Variants in ABHD12 observed in about 807,000 individuals in gnomAD.
The protein encoded by ABHD12 is abhydrolase domain containing 12, lysophospholipase.
In ABHD12, 43 loss-of-function variants were observed where a neutral mutation model predicts 58.3. The observed-to-expected ratio is 0.74, with a 90% CI of 0.58 to 0.95. The LOEUF (loss-of-function observed/expected upper bound fraction) is 0.95. ABHD12 is among the 40% of genes least tolerant of loss of function. ABHD12 has a pLI of 0.00. For missense variants in ABHD12, 539 were observed against 537.2 expected, an observed-to-expected ratio of 1.00 and a Z score of -0.03; for synonymous variants, 219 against 211.2, an observed-to-expected ratio of 1.04 and a Z score of -0.32.
At chr20:25,369,208 T>C (rs2089866352) in intron 1 of ABHD12, among the ~76,000 whole-genome samples, 1 of 152,200 alleles carries the variant, frequency 6.6e-6, no homozygotes, top group Admixed American at 6.5e-5. Flanking sequence ...GGATTAGTAA[T>C]GTTGGGCATC....
intron 1 of ABHD12, among the ~76,000 whole-genome samples, chr20:25,358,502 G>C (rs919601976): frequency 2.6e-4 from 39 of 152,186 alleles, no homozygotes; most frequent in African/African-American, 9.4e-4. Flanking sequence ...ATTACTGCCT[G>C]TTTCCTCACT....
chr20:25,361,541 G>A (rs957495037), intron 1 of ABHD12, among the ~76,000 whole-genome samples: 1 of 152,154 alleles, frequency 6.6e-6, no homozygotes, highest in African/African-American at 2.4e-5. Context: ...TCTTAGATGT[G>A]TATTTTGTTG....
intron 1 of ABHD12, among the ~76,000 whole-genome samples, chr20:25,347,932 C>A: frequency 6.6e-6 from 1 of 150,544 alleles, no homozygotes; most frequent in Non-Finnish European, 1.5e-5. Flanking sequence ...GGAAAAAAGC[C>A]TGGGCGCAGG....
At chr20:25,303,907 T>C (rs2088687109) in intron 10 of ABHD12, among the ~76,000 whole-genome samples, 1 of 152,252 alleles carries the variant, frequency 6.6e-6, no homozygotes, top group African/African-American at 2.4e-5. Context: ...ATATATATTT[T>C]TAAGCGGAAT....
chr20:25,352,311 C>T (rs369248783), intron 1 of ABHD12, among the ~76,000 whole-genome samples: 8 of 151,386 alleles, frequency 5.3e-5, no homozygotes, highest in African/African-American at 7.3e-5. Flanking sequence ...ATTTTTGAGA[C>T]GGAGTCTCGC....
At chr20:25,316,876 G>A (rs2088971878) in intron 5 of ABHD12, among the ~76,000 whole-genome samples, 172 bp downstream of exon 5, 2 of 152,226 alleles carry the variant, frequency 1.3e-5, no homozygotes, top group South Asian at 2.1e-4. Flanking sequence ...GCAGTGCGCT[G>A]TGACTGTACC....
At chr20:25,316,493 T>C (rs748844386) in intron 5 of ABHD12, among the ~76,000 whole-genome samples, 1 of 151,850 alleles carries the variant, frequency 6.6e-6, no homozygotes. Context: ...TAACGTAACA[T>C]TGAAAAACAA....
At chr20:25,387,958 T>C (rs2090115540) in intron 1 of ABHD12, among the ~76,000 whole-genome samples, 2 of 150,546 alleles carry the variant, frequency 1.3e-5, no homozygotes, top group African/African-American at 4.9e-5. Context: ...GGAGAATTGC[T>C]TGAACCTGGG....
At chr20:25,315,862 T>TCCCCGCC (rs1568722353) in intron 5 of ABHD12, among the ~76,000 whole-genome samples, 4 of 150,882 alleles carry the variant, frequency 2.7e-5, no homozygotes, top group Non-Finnish European at 5.9e-5. Context: ...TCTGTCTGTG[T>TCCCCGCC]TCCCTTCTGC....
At chr20:25,336,347 T>C (rs1237217112) in intron 2 of ABHD12, among the ~76,000 whole-genome samples, 3 of 152,126 alleles carry the variant, frequency 2.0e-5, no homozygotes, top group Non-Finnish European at 4.4e-5. Context: ...AGAATAATCA[T>C]GATGTTTTGC....
chr20:25,306,708 G>C, intron 10 of ABHD12, 125 bp downstream of exon 10: 1 of 707,214 alleles, frequency 1.4e-6, no homozygotes. Context: ...AGACCTGTTT[G>C]CTAGAGAATG....
At chr20:25,363,093 T>C (rs2089774540) in intron 1 of ABHD12, among the ~76,000 whole-genome samples, 1 of 152,152 alleles carries the variant, frequency 6.6e-6, no homozygotes, top group South Asian at 2.1e-4. Flanking sequence ...GTCTAGAACA[T>C]TCAGAGTATT....
At chr20:25,383,657 A>G (rs1262126749) in intron 1 of ABHD12, among the ~76,000 whole-genome samples, 2 of 152,150 alleles carry the variant, frequency 1.3e-5, no homozygotes, top group Admixed American at 1.3e-4. Context: ...CGTCTCTACT[A>G]AAAATATAAA....
intron 1 of ABHD12, among the ~76,000 whole-genome samples, chr20:25,367,732 A>G (rs945576573): frequency 6.6e-6 from 1 of 152,200 alleles, no homozygotes; most frequent in Non-Finnish European, 1.5e-5. Context: ...TTCATGTTGT[A>G]GCATATTTCA....
exon 13 of ABHD12, chr20:25,295,022 T>G (rs747280196): frequency 5.6e-6 from 9 of 1,614,224 alleles, no homozygotes; most frequent in Non-Finnish European, 7.6e-6. Context: ...ACCTGGGCCC[T>G]GCTGAGGTCT....
At chr20:25,296,593 A>G (rs1257851618), downstream of ABHD12, 7 of 1,530,876 alleles carry the variant, frequency 4.6e-6, no homozygotes, top group Middle Eastern at 2.1e-4. Context: ...TTTTTCCCCA[A>G]ACACTTTGCC....
intron 1 of ABHD12, among the ~76,000 whole-genome samples, chr20:25,388,900 A>G (rs2090132011): frequency 6.8e-6 from 1 of 146,580 alleles, no homozygotes; most frequent in Admixed American, 7.3e-5. Context: ...CGCCTCCCAG[A>G]TTCAAGCGAT....
downstream of ABHD12, chr20:25,300,141 G>A (rs577376578): frequency 1.0e-6 from 1 of 959,758 alleles, no homozygotes; most frequent in East Asian, 1.1e-4. Context: ...AGCGGCTAGA[G>A]GCTAGGCTGT....
At chr20:25,304,733 A>G (rs1473472132) in intron 10 of ABHD12, among the ~76,000 whole-genome samples, 2 of 151,462 alleles carry the variant, frequency 1.3e-5, no homozygotes, top group African/African-American at 4.9e-5. Flanking sequence ...ACGCCTGGCT[A>G]ATTGTTTTGT....
Sources: allele counts gnomAD v4.1 joint callset (sites outside exome capture counted in the v4.1 genomes callset), GRCh38; gene constraint gnomAD v4.1.1; transcripts MANE v1.5; gene names NCBI Gene and HGNC (gene_info 2026-07-23, HGNC 2026-07-21).